KCNMA1: variants seen among roughly 807,000 people sequenced by gnomAD.
KCNMA1 encodes Calcium-activated potassium channel subunit alpha-1.
A neutral mutation model predicts 140.0 loss-of-function variants in KCNMA1; 29 were observed. That is an observed-to-expected ratio of 0.21 (90% CI 0.15 to 0.28). The LOEUF (loss-of-function observed/expected upper bound fraction) is 0.28, where lower values mean the gene tolerates loss of function less well. Ranked by LOEUF, KCNMA1 falls within the 10% of genes least tolerant of loss-of-function variation. The probability of loss-of-function intolerance (pLI) is 1.00; values close to 1 mark genes in which losing one functional copy is unlikely to be tolerated. For missense variants in KCNMA1, 880 were observed against 1,602.2 expected, an observed-to-expected ratio of 0.55 and a Z score of 7.70; for synonymous variants, 612 against 611.9, an observed-to-expected ratio of 1.00 and a Z score of 0.00.
chr10:77,478,154 T>C (rs2098315775), intron 1 of KCNMA1, among the ~76,000 whole-genome samples: 1 of 152,250 alleles, frequency 6.6e-6, no homozygotes, highest in South Asian at 2.1e-4. Context: ...TTCTAATATT[T>C]ACCCTGCTTG....
intron 2 of KCNMA1, chr10:77,373,090 T>C (rs1411760095): frequency 6.6e-6 from 1 of 152,242 alleles, no homozygotes; most frequent in East Asian, 1.9e-4. Context: ...AGTTTATTAA[T>C]TGACTCCCGT....
intron 2 of KCNMA1, among the ~76,000 whole-genome samples, chr10:77,327,048 C>T (rs956648343): frequency 6.6e-6 from 1 of 152,080 alleles, no homozygotes; most frequent in African/African-American, 2.4e-5. Flanking sequence ...CGCCAGTCCT[C>T]ACTTCAACAC....
chr10:76,925,103 TC>T (rs142655194), intron 23 of KCNMA1, among the ~76,000 whole-genome samples: 2 of 152,322 alleles, frequency 1.3e-5, no homozygotes, highest in East Asian at 3.9e-4. Flanking sequence ...TGCCTTTTTT[TC>T]CATCCCCTTT....
intron 3 of KCNMA1, among the ~76,000 whole-genome samples, chr10:77,208,669 C>G (rs376133731): frequency 2.6e-5 from 4 of 152,212 alleles, no homozygotes; most frequent in African/African-American, 9.6e-5. Flanking sequence ...GACAAACATA[C>G]AGTAGAAAAG....
intron 12 of KCNMA1, among the ~76,000 whole-genome samples, chr10:77,081,671 T>A (rs967647810): frequency 2.6e-4 from 39 of 152,306 alleles, no homozygotes; most frequent in African/African-American, 9.4e-4. Flanking sequence ...TTTTTGCACT[T>A]GAAGGATTTC....
chr10:77,631,488 T>A lies in KCNMA1; in HGVS notation c.378+5777A>T, dbSNP rs532565580. On this transcript the variant is annotated intron_variant, in intron 1 of 27. Coordinates refer to ENST00000286628, the MANE Select transcript of KCNMA1 (RefSeq NM_001161352.2). ...GGCGACCTTCCAGGGGATCTGCAGC[T>A]TGGCAAGGTGGTATTGGCTGCTGTG... 3.3e-5 allele frequency among the ~76,000 whole-genome samples: 5 copies of A among 152,350 alleles called. No homozygotes were observed. In the South Asian group the frequency reaches 1.0e-3, roughly 32 times the overall value.
intron 2 of KCNMA1, among the ~76,000 whole-genome samples, chr10:77,366,210 C>A (rs2094350827): frequency 1.3e-5 from 2 of 151,346 alleles, no homozygotes; most frequent in Non-Finnish European, 2.9e-5. Context: ...GTCTTGTCAC[C>A]CATGCTGGAG....
chr10:77,171,380 C>CGT (rs2098704046), intron 5 of KCNMA1, among the ~76,000 whole-genome samples: 2 of 135,920 alleles, frequency 1.5e-5, no homozygotes, highest in Non-Finnish European at 1.5e-5. Context: ...TCGGAAAGTA[C>CGT]GTGTGCGTGT....
chr10:77,017,696 C>T (rs1380658885), intron 17 of KCNMA1, among the ~76,000 whole-genome samples: 4 of 152,140 alleles, frequency 2.6e-5, no homozygotes, highest in Admixed American at 6.6e-5. Flanking sequence ...CACATGTCAT[C>T]GTTCTGTGCT....
In KCNMA1 at chr10:77,252,614, C is replaced by CCA. The variant is rs537358065; in HGVS notation, c.541-1360_541-1359dup. On this transcript the variant is annotated intron_variant, in intron 2 of 27. Coordinates refer to ENST00000286628, the MANE Select transcript of KCNMA1 (RefSeq NM_001161352.2). ...CAGAATCTCTCTCTTTTACACCCAC[C>CCA]CACACACACACACACTCCTGTATTT... 5.8e-3 allele frequency among the ~76,000 whole-genome samples: 857 copies of CCA among 147,652 alleles called. 3 individuals carry two copies. Among genetic ancestry groups the CCA allele is most frequent in the African/African-American group, 0.019 (781 of 40,144 alleles).
intron 3 of KCNMA1, among the ~76,000 whole-genome samples, chr10:77,206,816 AG>A (rs202180223): frequency 2.2e-3 from 107 of 48,654 alleles, no homozygotes; most frequent in African/African-American, 8.8e-3. Context: ...GCAGGGAGGG[AG>A]GGGGGGGCGG....
At chr10:76,945,266 T>C (rs1019687763) in intron 22 of KCNMA1, among the ~76,000 whole-genome samples, 9 of 152,166 alleles carry the variant, frequency 5.9e-5, no homozygotes, top group African/African-American at 2.2e-4. Context: ...AGAGGAATAA[T>C]GCCAGGGTTC....
intron 1 of KCNMA1, among the ~76,000 whole-genome samples, chr10:77,406,284 G>A (rs779378344): frequency 5.0e-5 from 6 of 120,284 alleles, no homozygotes; most frequent in Non-Finnish European, 1.8e-5. Flanking sequence ...GTGTAGATTC[G>A]GGGGAAAATC....
intron 23 of KCNMA1, among the ~76,000 whole-genome samples, chr10:76,923,253 A>G (rs568751977): frequency 1.3e-4 from 20 of 152,268 alleles, no homozygotes; most frequent in Non-Finnish European, 2.1e-4. Context: ...ATATATTTAC[A>G]GGACTTGTCT....
Position 77,407,570 on chromosome 10 carries a change from G to T in KCNMA1, c.379-3547C>A, listed in dbSNP as rs547134077. ...TTTACAGACAGGGTAACTAAGAGCA[G>T]GTATCTCTCAGAAAAAGGCACAGAG... On this transcript the variant is annotated intron_variant, in intron 1 of 27. Coordinates refer to ENST00000286628, the MANE Select transcript of KCNMA1 (RefSeq NM_001161352.2). Among the ~76,000 whole-genome samples, 6 of 152,358 alleles carry T rather than the reference G, an allele frequency of 3.9e-5. No homozygotes were observed. The South Asian group carries it at 1.2e-3, about 32-fold the overall frequency.
intron 23 of KCNMA1, among the ~76,000 whole-genome samples, chr10:76,930,736 A>G (rs763504878): frequency 1.3e-5 from 2 of 152,072 alleles, no homozygotes; most frequent in Non-Finnish European, 2.9e-5. Context: ...CCATTGACAG[A>G]TGAGTAGATA....
intron 1 of KCNMA1, among the ~76,000 whole-genome samples, chr10:77,416,845 G>A (rs572017324): frequency 6.6e-6 from 1 of 152,266 alleles, no homozygotes; most frequent in South Asian, 2.1e-4. Flanking sequence ...TCTGTTTTTT[G>A]TTCTGTCCTG....
intron 2 of KCNMA1, among the ~76,000 whole-genome samples, chr10:77,340,342 C>T (rs1269683936): frequency 6.6e-6 from 1 of 152,100 alleles, no homozygotes; most frequent in Non-Finnish European, 1.5e-5. Context: ...TACCATTTGA[C>T]CCAGCCATCC....
rs569956980 is a variant in KCNMA1 at position 77,620,882 on chromosome 10, A to G, written c.378+16383T>C. On this transcript the variant is annotated intron_variant, in intron 1 of 27. Coordinates refer to ENST00000286628, the MANE Select transcript of KCNMA1 (RefSeq NM_001161352.2). ...GGGCATGCAGGCTGTGCACTGCACA[A>G]CTCCAGAGGGCTTCATTCATGACCA... Among the ~76,000 whole-genome samples the G allele has an allele frequency of 6.0e-4, 92 of 152,270 alleles. 2 individuals carry two copies. Among genetic ancestry groups the G allele is most frequent in the South Asian group, 4.1e-3 (20 of 4,820 alleles).
Sources: allele counts gnomAD v4.1 joint callset (sites outside exome capture counted in the v4.1 genomes callset), GRCh38; gene constraint gnomAD v4.1.1; transcripts MANE v1.5; gene names NCBI Gene and HGNC (gene_info 2026-07-23, HGNC 2026-07-21).